The following BTBD10 variants were observed in gnomAD, a reference collection of about 807,000 sequenced individuals.
BTBD10 encodes BTB/POZ domain-containing protein 10.
A neutral mutation model predicts 53.2 loss-of-function variants in BTBD10; 21 were observed. The ratio of observed to expected loss-of-function variants is 0.39; its 90% CI spans 0.28 to 0.57. BTBD10 has a LOEUF of 0.57. Ranked by LOEUF, BTBD10 falls within the 20% of genes least tolerant of loss-of-function variation. BTBD10 has a pLI of 0.53. For synonymous variants in BTBD10, 149 were observed against 192.7 expected (o/e 0.77, Z 1.88); for missense variants, 360 against 594.7 (o/e 0.61, Z 4.10).
At chr11:13,443,017 G>C (rs568594548) in intron 2 of BTBD10, among the ~76,000 whole-genome samples, 1 of 151,994 alleles carries the variant, frequency 6.6e-6, no homozygotes, top group South Asian at 2.1e-4. Flanking sequence ...CAATTCACTG[G>C]TATTTATTTT....
intron 1 of BTBD10, among the ~76,000 whole-genome samples, chr11:13,459,098 C>T (rs1230699043): frequency 2.7e-5 from 4 of 149,100 alleles, no homozygotes; most frequent in African/African-American, 9.9e-5. Context: ...GCTCTGTCGC[C>T]CAGGCTGGAG....
chr11:13,403,362 C>T (rs1166502647), intron 7 of BTBD10, 84 bp from the exon 8 acceptor site: 1 of 701,152 alleles, frequency 1.4e-6, no homozygotes, highest in Non-Finnish European at 2.2e-6. Flanking sequence ...ATCAAAGGGG[C>T]CTAACAGTCC....
chr11:13,413,747 T>A, intron 5 of BTBD10, 97 bp from the exon 6 acceptor site: 1 of 1,176,576 alleles, frequency 8.5e-7, no homozygotes, highest in Non-Finnish European at 1.2e-6. Flanking sequence ...TCAGAAACAG[T>A]AGAGAACTCT....
chr11:13,460,104 G>A (rs532456166), intron 1 of BTBD10, among the ~76,000 whole-genome samples: 85 of 152,298 alleles, frequency 5.6e-4, no homozygotes, highest in Non-Finnish European at 1.1e-3. Context: ...GGCAGAGATT[G>A]AATGAACAGA....
intron 8 of BTBD10, 50 bp downstream of exon 8, chr11:13,403,118 C>T (rs770381072): frequency 1.7e-6 from 2 of 1,147,132 alleles, no homozygotes; most frequent in African/African-American, 1.6e-5. Flanking sequence ...TTGTTTTTAA[C>T]CTTTTTGTTT....
At chr11:13,453,100 A>T (rs1423404316) in intron 1 of BTBD10, among the ~76,000 whole-genome samples, 1 of 152,176 alleles carries the variant, frequency 6.6e-6, no homozygotes, top group African/African-American at 2.4e-5. Flanking sequence ...TCTAGAACCA[A>T]TCTAAATGTT....
At chr11:13,413,928 TA>T (rs1950026611) in intron 5 of BTBD10, among the ~76,000 whole-genome samples, 1 of 152,250 alleles carries the variant, frequency 6.6e-6, no homozygotes, top group Non-Finnish European at 1.5e-5. Flanking sequence ...CCCTGTTACC[TA>T]ATTCATGTCT....
intron 2 of BTBD10, among the ~76,000 whole-genome samples, chr11:13,437,994 T>A (rs1950574180): frequency 6.6e-6 from 1 of 152,170 alleles, no homozygotes; most frequent in Non-Finnish European, 1.5e-5. Flanking sequence ...TTGGCCTTCA[T>A]GTCCTTCCTA....
chr11:13,395,635 T>C (rs1355422637), intron 8 of BTBD10, among the ~76,000 whole-genome samples: 1 of 152,200 alleles, frequency 6.6e-6, no homozygotes, highest in Non-Finnish European at 1.5e-5. Context: ...CTGATTGGTA[T>C]TGCCTAGGTT....
intron 3 of BTBD10, 145 bp from the exon 4 acceptor site, chr11:13,419,890 A>T: frequency 1.3e-6 from 1 of 795,260 alleles, no homozygotes; most frequent in South Asian, 2.3e-5. Flanking sequence ...ATGTTAACAG[A>T]ACACCATAAA....
At chr11:13,457,206 C>A (rs1950988771) in intron 1 of BTBD10, among the ~76,000 whole-genome samples, 1 of 151,848 alleles carries the variant, frequency 6.6e-6, no homozygotes, top group Non-Finnish European at 1.5e-5. Flanking sequence ...AAGAAAAACA[C>A]AGATTATATA....
chr11:13,440,236 G>T lies in BTBD10; in HGVS notation c.101+4788C>A. 3.8e-6 allele frequency: 5 copies of T among 1,299,234 alleles called. No homozygotes were observed. The South Asian group carries it at 4.5e-5, about 12-fold the overall frequency. 80.5% of individuals were successfully genotyped at this position (1,299,234 alleles called of 1,614,324 possible). ...TTTTCTCACAGACACTGACTCAGCC[G>T]TGGGTTGTGCAGCACTGACGTTTCT... On this transcript the variant is annotated intron_variant, in intron 2 of 8. Transcript: ENST00000278174.
In BTBD10 at chr11:13,445,113, C is replaced by T. The variant is rs747964912; in HGVS notation, c.12G>A (p.Arg4=). 24 of 1,612,694 alleles carry T rather than the reference C, an allele frequency of 1.5e-5. No homozygotes were observed. In the African/African-American group the frequency reaches 2.7e-4, roughly 18 times the overall value. MAG[R]PHPYDGNSSD... ...TGGAGTTACCATCATAGGGATGAGG[C>T]CGTCCTGCCATCCCACTCCAAGCTT... Residue 4 remains arginine (R), a synonymous_variant, in exon 2 of 9, where the codon CGG becomes CGA. Coordinates refer to ENST00000278174, the MANE Select transcript of BTBD10 (RefSeq NM_032320.7).
intron 1 of BTBD10, among the ~76,000 whole-genome samples, chr11:13,455,389 T>C (rs1490496753): frequency 3.3e-5 from 5 of 152,226 alleles, no homozygotes. Flanking sequence ...ATTAACACAT[T>C]AACACTTCAA....
intron 6 of BTBD10, among the ~76,000 whole-genome samples, chr11:13,409,860 C>A (rs1333014617): frequency 6.6e-6 from 1 of 152,108 alleles, no homozygotes; most frequent in African/African-American, 2.4e-5. Context: ...ACTATATGTA[C>A]TATATGCATG....
intron 8 of BTBD10, among the ~76,000 whole-genome samples, chr11:13,393,918 C>T (rs1949468969): frequency 6.6e-6 from 1 of 152,140 alleles, no homozygotes; most frequent in Non-Finnish European, 1.5e-5. Flanking sequence ...GCTTCTTTCT[C>T]TTAAAAACAG....
chr11:13,449,495 A>G (rs921804158), intron 1 of BTBD10, among the ~76,000 whole-genome samples: 10 of 147,170 alleles, frequency 6.8e-5, no homozygotes, highest in South Asian at 2.2e-4. Context: ...GTTTAAAGGG[A>G]AAAAAAAAAA....
chr11:13,440,937 G>C (rs1386229898), intron 2 of BTBD10, among the ~76,000 whole-genome samples: 1 of 152,070 alleles, frequency 6.6e-6, no homozygotes, highest in East Asian at 1.9e-4. Flanking sequence ...AAAAGAAGTT[G>C]TCACAAATTC....
At chr11:13,429,252 T>C (rs1028394545) in intron 2 of BTBD10, among the ~76,000 whole-genome samples, 1 of 152,148 alleles carries the variant, frequency 6.6e-6, no homozygotes, top group African/African-American at 2.4e-5. Flanking sequence ...ATAATCCCAA[T>C]GGAAAACCAA....
Sources: gnomAD v4.1 joint callset for allele counts (sites outside exome capture counted in the v4.1 genomes callset) on GRCh38, gnomAD v4.1.1 for gene constraint, MANE v1.5 for transcripts, NCBI Gene and HGNC (gene_info 2026-07-23, HGNC 2026-07-21) for gene names.